CATSPERG: variants seen among roughly 807,000 people sequenced by gnomAD.
CATSPERG encodes cation channel sperm-associated auxiliary subunit gamma.
Under a neutral mutation model 145.0 loss-of-function variants are expected in CATSPERG, and 115 were observed. The ratio of observed to expected loss-of-function variants is 0.79; its 90% CI spans 0.68 to 0.93. The LOEUF is 0.93. CATSPERG is among the 40% of genes least tolerant of loss of function. CATSPERG has a pLI of 0.00. For synonymous variants in CATSPERG, 588 were observed against 589.0 expected (o/e 1.00, Z 0.02); for missense variants, 1,296 against 1,490.1 (o/e 0.87, Z 2.14).
chr19:38,348,135 C>G (rs1439798313), intron 7 of CATSPERG, among the ~76,000 whole-genome samples: 1 of 152,024 alleles, frequency 6.6e-6, no homozygotes, highest in Non-Finnish European at 1.5e-5. Context: ...TGAGCCAAGT[C>G]TATTCAGACA....
At chr19:38,370,316 C>CTATGCTTGT in intron 28 of CATSPERG, 58 bp downstream of exon 28, 1 of 1,518,800 alleles carries the variant, frequency 6.6e-7, no homozygotes, top group South Asian at 1.1e-5. Flanking sequence ...GCCTCCATAC[C>CTATGCTTGT]TATGCTTGTT....
intron 17 of CATSPERG, 73 bp from the exon 18 acceptor site, chr19:38,362,137 C>T: frequency 6.7e-7 from 1 of 1,498,982 alleles, no homozygotes; most frequent in Non-Finnish European, 9.1e-7. Flanking sequence ...AGGAGGTGGT[C>T]TGGGGATGCC....
At chr19:38,346,736 C>A in intron 7 of CATSPERG, 131 bp downstream of exon 7, 3 of 815,368 alleles carry the variant, frequency 3.7e-6, no homozygotes, top group Non-Finnish European at 5.3e-6. Context: ...AGGCAGATAG[C>A]ATGAAGAAAA....
Position 38,337,351 on chromosome 19 carries a change from G to A in CATSPERG, c.117G>A (p.Lys39=). Residue 39 remains lysine, a synonymous_variant, in exon 2 of 29, where the codon AAG becomes AAA. Transcript: ENST00000409235. ...CGTCGTGGAGGCTGTGGGCGATCAA[G>A]GATTTCCAGGAATGCACCTGGCAGG... The part of the protein sequence containing the change: ...LLASWRLWAI[K]DFQECTWQVV... 1 of 1,551,620 alleles carries A rather than the reference G, an allele frequency of 6.4e-7. No individual in the cohort carries two copies. The highest frequency in any genetic ancestry group is 8.7e-7 in the Non-Finnish European group (1 of 1,146,998).
At position 38,337,645 on chromosome 19, in the gene CATSPERG, A is replaced by G; in HGVS notation, c.323A>G (p.Lys108Arg). 1 of 1,551,662 alleles carries G rather than the reference A, an allele frequency of 6.4e-7. No homozygotes were observed. The highest frequency in any genetic ancestry group is 8.7e-7 in the Non-Finnish European group (1 of 1,146,954). The change falls in exon 3 of 29, where the codon AAG (lysine) becomes AGG (arginine). Residue 108 changes from lysine to arginine, a missense_variant and splice_region_variant. Coordinates refer to ENST00000409235, the MANE Select transcript of CATSPERG (RefSeq NM_021185.5). ...AAGATCAACTACTCCTGCGAGGAAA[A>G]GGTGAGTGGGTGCAGCACGGATAGG... is the stretch of plus-strand genomic sequence containing the variant. ...YLKINYSCEE[K>R]PSEDLVRMGH...
chr19:38,337,438 A>G lies in CATSPERG; in HGVS notation c.204A>G (p.Gln68=). The change falls in exon 2 of 29, where the codon CAA becomes CAG. Residue 68 remains glutamine (Q), a synonymous_variant. Transcript: ENST00000409235. ...GTGTGAGCGACAGCTTCTTTGAGCA[A>G]GAGCCCGTGGACACAGTGAGCAGCT... ...ESGVSDSFFE[Q]EPVDTVSSLF... is the part of the protein sequence containing the mutation. The G allele has an allele frequency of 6.4e-7, 1 of 1,552,138 alleles. No individual in the cohort carries two copies. The highest frequency in any genetic ancestry group is 8.7e-7 in the Non-Finnish European group (1 of 1,147,082).
intron 15 of CATSPERG, 27 bp from the exon 16 acceptor site, chr19:38,360,704 T>C: frequency 6.2e-7 from 1 of 1,613,780 alleles, no homozygotes; most frequent in Non-Finnish European, 8.5e-7. Flanking sequence ...TGACCCCAGC[T>C]CACCTGGCCC....
At chr19:38,343,009 G>A (rs913727126) in intron 3 of CATSPERG, among the ~76,000 whole-genome samples, 6 of 152,126 alleles carry the variant, frequency 3.9e-5, no homozygotes, top group Non-Finnish European at 5.9e-5. Context: ...TTGCATAGGT[G>A]GCAGAAAGTC....
At chr19:38,337,722 T>C (rs1568369838) in intron 3 of CATSPERG, 76 bp downstream of exon 3, 1 of 1,322,216 alleles carries the variant, frequency 7.6e-7, no homozygotes, top group East Asian at 2.6e-5. Context: ...ATTTATTTAT[T>C]TATTTTATTT....
At chr19:38,346,725 G>T in intron 7 of CATSPERG, 120 bp downstream of exon 7, 1 of 875,884 alleles carries the variant, frequency 1.1e-6, no homozygotes. Flanking sequence ...GTCCCCATGA[G>T]AGGCAGATAG....
At position 38,338,310 on chromosome 19, in the gene CATSPERG, G is replaced by A. The variant is rs1969879117; in HGVS notation, c.324+664G>A. 3.9e-5 allele frequency among the ~76,000 whole-genome samples: 6 copies of A among 151,920 alleles called. No individual in the cohort carries two copies. The South Asian group carries it at 1.0e-3, about 26-fold the overall frequency. On this transcript the variant is annotated intron_variant, in intron 3 of 28. Coordinates refer to ENST00000409235, the MANE Select transcript of CATSPERG (RefSeq NM_021185.5). ...ACTACAGGCGCCTGCCACCACGCCC[G>A]GCTAATTTTTTGTATTTTTAGTAGA...
intron 16 of CATSPERG, 110 bp from the exon 17 acceptor site, chr19:38,361,538 C>A (rs1970344358): frequency 1.6e-5 from 14 of 849,420 alleles, no homozygotes; most frequent in Non-Finnish European, 2.4e-5. Context: ...GAGGAAGATT[C>A]GGGCTGGATT....
At position 38,344,071 on chromosome 19, in the gene CATSPERG, G is replaced by C; in HGVS notation, c.548G>C (p.Arg183Pro). Reference sequence around the variant, plus strand: ...ATCAAGAAAGGCAGTGTGGTCATGCGTGTGGACATCAGCAGCAATGGCCTG... The same window carrying C: ...ATCAAGAAAGGCAGTGTGGTCATGCCTGTGGACATCAGCAGCAATGGCCTG... ...MPIKKGSVVM[R>P]VDISSNGLGT... Residue 183 changes from arginine (R) to proline (P), a missense_variant, in exon 5 of 29, where the codon CGT (arginine) becomes CCT (proline). By Grantham distance (103) the Arg-to-Pro change is moderately radical. Transcript: ENST00000409235. 1.9e-6 allele frequency: 3 copies of C among 1,551,660 alleles called. No individual in the cohort carries two copies. The highest frequency in any genetic ancestry group is 2.6e-6 in the Non-Finnish European group (3 of 1,146,942).
rs994266280 is a variant in CATSPERG, at chr19:38,353,485, G to A, written c.997+1053G>A. Among the ~76,000 whole-genome samples the A allele has an allele frequency of 5.9e-5, 9 of 152,040 alleles. No individual in the cohort carries two copies. In the South Asian group the frequency reaches 8.3e-4, roughly 14 times the overall value. On this transcript the variant is annotated intron_variant, in intron 8 of 28. Transcript: ENST00000409235. ...AGGTAGATCACATGGTCAGGAGTTC[G>A]AGACCAGCCTGGCTAACATGGTGAA...
chr19:38,352,574 C>T (rs1970161822), intron 8 of CATSPERG, 142 bp downstream of exon 8: 1 of 770,464 alleles, frequency 1.3e-6, no homozygotes, highest in Non-Finnish European at 2.2e-6. Context: ...CTTGCCCACC[C>T]CGAATGGGCC....
At chr19:38,354,616 A>C in intron 8 of CATSPERG, 94 bp from the exon 9 acceptor site, 1 of 1,457,148 alleles carries the variant, frequency 6.9e-7, no homozygotes, top group South Asian at 1.3e-5. Context: ...GAGAGGACAG[A>C]TAACAGGCTC....
At chr19:38,359,631 C>A in intron 14 of CATSPERG, 50 bp downstream of exon 14, 1 of 1,562,562 alleles carries the variant, frequency 6.4e-7, no homozygotes, top group Non-Finnish European at 8.7e-7. Context: ...ACCCCCAAAC[C>A]CCAGGGGCCC....
intron 4 of CATSPERG, 96 bp from the exon 5 acceptor site, chr19:38,343,897 G>C (rs1406899933): frequency 1.4e-6 from 2 of 1,474,542 alleles, no homozygotes; most frequent in East Asian, 4.9e-5. Context: ...GTGGAGGCAG[G>C]TATGGGGAGT....
intron 6 of CATSPERG, among the ~76,000 whole-genome samples, chr19:38,344,899 A>C: frequency 1.1e-5 from 1 of 93,054 alleles, no homozygotes; most frequent in Non-Finnish European, 2.1e-5. Flanking sequence ...ATATATATAT[A>C]TATTTTTTTT....
Sources: allele counts gnomAD v4.1 joint callset (sites outside exome capture counted in the v4.1 genomes callset), GRCh38; gene constraint gnomAD v4.1.1; transcripts MANE v1.5; gene names NCBI Gene and HGNC (gene_info 2026-07-23, HGNC 2026-07-21).